The following CEP112 variants were observed in gnomAD, a reference collection of about 807,000 sequenced individuals.
CEP112 encodes the protein centrosomal protein 112.
In CEP112, 127 loss-of-function variants were observed where a neutral mutation model predicts 153.0. That is an observed-to-expected ratio of 0.83 (90% confidence interval 0.72 to 0.96). CEP112 has a LOEUF of 0.96. Among genes scored for constraint, CEP112 ranks in the 40% least tolerant of loss-of-function variants. The pLI, the probability that CEP112 is intolerant of heterozygous loss-of-function variation, is 0.00. For missense variants in CEP112, 1,089 were observed against 1,101.2 expected, an observed-to-expected ratio of 0.99 and a Z score of 0.16; for synonymous variants, 358 against 374.4, an observed-to-expected ratio of 0.96 and a Z score of 0.51.
At chr17:65,644,306 C>T in intron 24 of CEP112, 1 of 578,200 alleles carries the variant, frequency 1.7e-6, no homozygotes, top group Non-Finnish European at 3.1e-6. Flanking sequence ...GGCAAGAAGG[C>T]CATGTTCCAT....
intron 23 of CEP112, among the ~76,000 whole-genome samples, chr17:65,726,939 C>T (rs564070353): frequency 2.0e-5 from 3 of 152,298 alleles, no homozygotes; most frequent in Admixed American, 2.0e-4. Flanking sequence ...CTTTCCCCAG[C>T]TTTTTGCTCA....
chr17:66,000,199 T>C (rs1383511954), intron 17 of CEP112, among the ~76,000 whole-genome samples: 3 of 151,698 alleles, frequency 2.0e-5, no homozygotes, highest in African/African-American at 7.3e-5. Context: ...TGTATAAGTG[T>C]TCCTTTTTCT....
chr17:66,063,105 G>A lies in CEP112; in HGVS notation c.956-24C>T, dbSNP rs369361792. 2.3e-5 allele frequency: 28 copies of A among 1,222,618 alleles called. No homozygotes were observed. In the African/African-American group the frequency reaches 3.7e-4, roughly 16 times the overall value. The allele number at this position is 1,222,618 out of a possible 1,614,324, so 75.7% of individuals were successfully genotyped here. On this transcript the variant is annotated intron_variant, in intron 10 of 26. Coordinates refer to ENST00000535342, the MANE Select transcript of CEP112 (RefSeq NM_001199165.4). ...AACTGTCAAAAATTTTGAAAACATA[G>A]TTAAACCAATTCTAGGTACATAGAG...
intron 24 of CEP112, among the ~76,000 whole-genome samples, chr17:65,661,120 A>C (rs887935418): frequency 6.6e-6 from 1 of 152,116 alleles, no homozygotes; most frequent in Non-Finnish European, 1.5e-5. Flanking sequence ...ATTTTCCCCA[A>C]AAGTCCCATG....
chr17:65,681,561 T>C (rs1316028668), intron 24 of CEP112, among the ~76,000 whole-genome samples: 1 of 150,844 alleles, frequency 6.6e-6, no homozygotes, highest in Non-Finnish European at 1.5e-5. Flanking sequence ...AAAAAAATGA[T>C]AGTGTCATTG....
intron 21 of CEP112, among the ~76,000 whole-genome samples, chr17:65,815,308 T>C (rs1203148955): frequency 6.6e-6 from 1 of 152,124 alleles, no homozygotes; most frequent in Non-Finnish European, 1.5e-5. Flanking sequence ...TCTTAGCACA[T>C]TTTTGTCAAA....
intron 11 of CEP112, among the ~76,000 whole-genome samples, chr17:66,059,152 C>T (rs889813217): frequency 3.3e-5 from 5 of 151,986 alleles, no homozygotes; most frequent in Non-Finnish European, 5.9e-5. Flanking sequence ...AAAATTAACT[C>T]AGGATAGATT....
At chr17:65,990,727 G>A (rs1188449010) in intron 17 of CEP112, among the ~76,000 whole-genome samples, 1 of 152,216 alleles carries the variant, frequency 6.6e-6, no homozygotes, top group Non-Finnish European at 1.5e-5. Context: ...GCAATTCCTA[G>A]GGAAGTCCCA....
chr17:65,714,422 GT>G (rs35586265), intron 23 of CEP112, among the ~76,000 whole-genome samples: 5,104 of 151,298 alleles, frequency 0.034, 291 homozygotes, highest in African/African-American at 0.12. Context: ...GAATATCAAA[GT>G]TTTTTTTTAA....
chr17:66,013,761 G>C (rs1449080795), intron 16 of CEP112, among the ~76,000 whole-genome samples: 1 of 152,194 alleles, frequency 6.6e-6, no homozygotes, highest in Non-Finnish European at 1.5e-5. Flanking sequence ...AGCTGGGGTG[G>C]GGCGCTGGCA....
intron 17 of CEP112, among the ~76,000 whole-genome samples, chr17:65,990,464 T>C (rs2063555076): frequency 6.6e-6 from 1 of 152,228 alleles, no homozygotes; most frequent in Non-Finnish European, 1.5e-5. Context: ...ATCTGTGCTC[T>C]TGGGAGAAGG....
At chr17:65,652,791 G>A (rs969054716) in intron 24 of CEP112, among the ~76,000 whole-genome samples, 1 of 152,154 alleles carries the variant, frequency 6.6e-6, no homozygotes. Flanking sequence ...TGTTTATCCA[G>A]GATACCAACA....
Position 65,721,306 on chromosome 17 carries a change from A to G in CEP112, c.2607+21762T>C, listed in dbSNP as rs375504525. Among the ~76,000 whole-genome samples, 13 of 152,112 alleles carry G rather than the reference A, an allele frequency of 8.5e-5. No individual in the cohort carries two copies. The East Asian group carries it at 1.2e-3, about 14-fold the overall frequency. The stretch of plus-strand genomic sequence containing the variant: ...ATTACAGGCATGAGCCACCGCGCCC[A>G]GGCTTTAAGTTCTATATCTCTCTTT... On this transcript the variant is annotated intron_variant, in intron 23 of 26. Transcript: ENST00000535342.
chr17:65,993,908 T>C (rs897078793), intron 17 of CEP112, among the ~76,000 whole-genome samples: 21 of 152,048 alleles, frequency 1.4e-4, no homozygotes, highest in African/African-American at 4.8e-4. Context: ...GCTGCTTACA[T>C]GGGTGTGTTC....
chr17:65,722,507 C>T (rs2049943801), intron 23 of CEP112, among the ~76,000 whole-genome samples: 1 of 152,156 alleles, frequency 6.6e-6, no homozygotes, highest in Admixed American at 6.5e-5. Flanking sequence ...CCTTGGCCTC[C>T]CAAAGTGCTG....
intron 21 of CEP112, among the ~76,000 whole-genome samples, chr17:65,847,565 G>T (rs1204508007): frequency 6.6e-6 from 1 of 152,110 alleles, no homozygotes; most frequent in Non-Finnish European, 1.5e-5. Context: ...ATTGGTGAAG[G>T]TCATGCCTCC....
Position 65,961,487 on chromosome 17 carries a change from T to C in CEP112, c.1848A>G (p.Lys616=), listed in dbSNP as rs929612230. ...FKRQVELNSE[K]VYAEMKEQME... is the part of the protein sequence containing the mutation. ...CCTGCTCTTTCATTTCAGCATAGACTTTCTCTGAGTTCAGTTCCACCTGCC... is the reference window on the plus strand; with the variant it reads ...CCTGCTCTTTCATTTCAGCATAGACCTTCTCTGAGTTCAGTTCCACCTGCC... The change falls in exon 18 of 27, where the codon AAA becomes AAG. Residue 616 remains lysine, a synonymous_variant. Transcript: ENST00000535342. 2 of 1,611,036 alleles carry C rather than the reference T, an allele frequency of 1.2e-6. No homozygotes were observed. Among genetic ancestry groups the C allele is most frequent in the Admixed American group, 1.7e-5 (1 of 59,962 alleles).
At chr17:65,902,877 T>A (rs183044665) in intron 19 of CEP112, among the ~76,000 whole-genome samples, 28 of 152,308 alleles carry the variant, frequency 1.8e-4, no homozygotes, top group Non-Finnish European at 1.5e-5. Flanking sequence ...TGTTATGTGT[T>A]CCAGAAGGGC....
intron 21 of CEP112, among the ~76,000 whole-genome samples, chr17:65,823,567 C>T (rs1286405504): frequency 6.6e-6 from 1 of 152,064 alleles, no homozygotes; most frequent in East Asian, 1.9e-4. Context: ...TAGAAGAAAA[C>T]AGGAGAAAAG....
Sources: gnomAD v4.1 joint callset for allele counts (sites outside exome capture counted in the v4.1 genomes callset) on GRCh38, gnomAD v4.1.1 for gene constraint, MANE v1.5 for transcripts, NCBI Gene and HGNC (gene_info 2026-07-23, HGNC 2026-07-21) for gene names.